The following GRIA1 variants were observed in gnomAD, a reference collection of about 807,000 sequenced individuals.
The protein encoded by GRIA1 is glutamate receptor 1.
GRIA1 carries 31 observed loss-of-function variants against 99.2 expected under a neutral mutation model. The observed-to-expected ratio is 0.31, with a 90% CI of 0.23 to 0.42. The LOEUF is 0.42. Ranked by LOEUF, GRIA1 falls within the 10% of genes least tolerant of loss-of-function variation. GRIA1 has a pLI of 1.00. For synonymous variants in GRIA1, 438 were observed against 432.4 expected, an observed-to-expected ratio of 1.01 and a Z score of -0.16; for missense variants, 782 against 1,157.5, an observed-to-expected ratio of 0.68 and a Z score of 4.71.
chr5:153,528,588 A>G (rs1220339190), intron 2 of GRIA1, among the ~76,000 whole-genome samples: 1 of 152,204 alleles, frequency 6.6e-6, no homozygotes, highest in Non-Finnish European at 1.5e-5. Context: ...GGTGATGCTG[A>G]TGCTGCTGGT....
At chr5:153,787,879 G>C (rs1381011149) in intron 13 of GRIA1, among the ~76,000 whole-genome samples, 1 of 152,024 alleles carries the variant, frequency 6.6e-6, no homozygotes, top group Admixed American at 6.6e-5. Context: ...AGGAGATCAA[G>C]ACCATCCTGG....
At chr5:153,699,127 G>C in intron 10 of GRIA1, 54 bp downstream of exon 10, 2 of 1,298,262 alleles carry the variant, frequency 1.5e-6, no homozygotes, top group Non-Finnish European at 2.2e-6. Context: ...GGTTTGACAG[G>C]AAATCATTTG....
At chr5:153,569,982 T>C (rs1047708681) in intron 2 of GRIA1, among the ~76,000 whole-genome samples, 12 of 152,220 alleles carry the variant, frequency 7.9e-5, no homozygotes, top group Admixed American at 7.2e-4. Context: ...ATTCGGTTAA[T>C]AGGCTCAGTG....
chr5:153,608,354 C>CT (rs1290260678), intron 2 of GRIA1, among the ~76,000 whole-genome samples: 5 of 151,524 alleles, frequency 3.3e-5, no homozygotes, highest in Admixed American at 1.3e-4. Context: ...ATGTGTCCTT[C>CT]TTTTTTCACT....
intron 2 of GRIA1, among the ~76,000 whole-genome samples, chr5:153,630,256 T>TATCATCATCATCATC (rs3037009): frequency 2.6e-4 from 39 of 151,198 alleles, no homozygotes; most frequent in African/African-American, 8.2e-4. Context: ...TAATGATAAT[T>TATCATCATCATCATC]ATCATCATCA....
At chr5:153,563,065 C>A (rs7713730) in intron 2 of GRIA1, among the ~76,000 whole-genome samples, 150,395 of 151,994 alleles carry the variant, frequency 0.99, 74,435 homozygotes, top group East Asian at 1. Flanking sequence ...AATCCCAGCT[C>A]CTTGGGAGGC....
intron 2 of GRIA1, among the ~76,000 whole-genome samples, chr5:153,615,811 A>C (rs993943302): frequency 1.3e-5 from 2 of 152,180 alleles, no homozygotes; most frequent in African/African-American, 4.8e-5. Context: ...TAGATGTTGA[A>C]ACTGAGGTTT....
chr5:153,506,107 C>G (rs1755462026), intron 2 of GRIA1, among the ~76,000 whole-genome samples: 1 of 152,166 alleles, frequency 6.6e-6, no homozygotes, highest in Non-Finnish European at 1.5e-5. Flanking sequence ...TAGCTTCTCT[C>G]TACCACATCA....
At chr5:153,557,012 G>A (rs926981887) in intron 2 of GRIA1, among the ~76,000 whole-genome samples, 13 of 152,174 alleles carry the variant, frequency 8.5e-5, no homozygotes, top group African/African-American at 3.1e-4. Context: ...TAACACAATG[G>A]TAAGTATTTG....
At chr5:153,724,088 G>A (rs185637246) in intron 11 of GRIA1, among the ~76,000 whole-genome samples, 7 of 152,316 alleles carry the variant, frequency 4.6e-5, no homozygotes, top group East Asian at 1.9e-4. Context: ...TGCGGTTCAC[G>A]AAAATCCGCG....
intron 7 of GRIA1, among the ~76,000 whole-genome samples, chr5:153,685,854 G>GC (rs1757301388): frequency 1.3e-5 from 2 of 152,226 alleles, no homozygotes; most frequent in East Asian, 3.9e-4. Flanking sequence ...TCCTTTGCAG[G>GC]CCCCCCATAC....
intron 10 of GRIA1, among the ~76,000 whole-genome samples, chr5:153,702,546 GT>G (rs1274742481): frequency 6.6e-6 from 1 of 152,186 alleles, no homozygotes; most frequent in Non-Finnish European, 1.5e-5. Context: ...ACTATATGCT[GT>G]TTTCCCAGGA....
At chr5:153,613,710 CT>C (rs11362282) in intron 2 of GRIA1, among the ~76,000 whole-genome samples, 18,863 of 147,708 alleles carry the variant, frequency 0.13, 1,311 homozygotes, top group Non-Finnish European at 0.17. Context: ...GAAACAGCCA[CT>C]TTTTTTTTTT....
chr5:153,750,502 A>T (rs890880099), intron 11 of GRIA1, among the ~76,000 whole-genome samples: 1 of 151,858 alleles, frequency 6.6e-6, no homozygotes, highest in African/African-American at 2.4e-5. Context: ...TCCATATCCA[A>T]CTCCTTGTCA....
chr5:153,528,119 T>G (rs1167589666), intron 2 of GRIA1, among the ~76,000 whole-genome samples: 2 of 151,982 alleles, frequency 1.3e-5, no homozygotes, highest in East Asian at 1.9e-4. Flanking sequence ...TATTGAATAT[T>G]TTATTGTGTA....
At chr5:153,521,460 T>C (rs377088147) in intron 2 of GRIA1, among the ~76,000 whole-genome samples, 26 of 152,290 alleles carry the variant, frequency 1.7e-4, no homozygotes, top group African/African-American at 5.1e-4. Context: ...CTGGGAGCCC[T>C]TTGACAGAAC....
intron 2 of GRIA1, among the ~76,000 whole-genome samples, chr5:153,507,927 G>A (rs532852227): frequency 1.3e-5 from 2 of 152,110 alleles, no homozygotes; most frequent in Non-Finnish European, 2.9e-5. Flanking sequence ...GTCTTTCACT[G>A]CTTTGGTCAT....
intron 10 of GRIA1, among the ~76,000 whole-genome samples, chr5:153,699,483 T>C (rs1758357714): frequency 6.6e-6 from 1 of 152,224 alleles, no homozygotes; most frequent in African/African-American, 2.4e-5. Context: ...TGCTCTCTCA[T>C]GAAATTTCCA....
At chr5:153,551,347 GT>G (rs748423625) in intron 2 of GRIA1, among the ~76,000 whole-genome samples, 4 of 113,714 alleles carry the variant, frequency 3.5e-5, no homozygotes, top group Admixed American at 1.6e-4. Flanking sequence ...TCTTTTTACA[GT>G]TTTTTTTGTT....
Sources: gnomAD v4.1 joint callset for allele counts (sites outside exome capture counted in the v4.1 genomes callset) on GRCh38, gnomAD v4.1.1 for gene constraint, MANE v1.5 for transcripts, NCBI Gene and HGNC (gene_info 2026-07-23, HGNC 2026-07-21) for gene names.